The following CTBP2 variants were observed in gnomAD, a reference collection of about 807,000 sequenced individuals.
CTBP2 encodes C-terminal binding protein 2, also known as C-terminal-binding protein 2.
CTBP2 carries 30 observed loss-of-function variants against 80.3 expected under a neutral mutation model. The observed-to-expected ratio is 0.37, with a 90% CI of 0.28 to 0.51. The LOEUF (loss-of-function observed/expected upper bound fraction) is 0.51, where lower values mean the gene tolerates loss of function less well. Ranked by LOEUF, CTBP2 falls within the 20% of genes least tolerant of loss-of-function variation. The pLI is 0.93. For missense variants in CTBP2, 1,212 were observed against 1,375.3 expected, an observed-to-expected ratio of 0.88 and a Z score of 1.88; for synonymous variants, 594 against 587.4, an observed-to-expected ratio of 1.01 and a Z score of -0.16.
intron 4 of CTBP2, 180 bp downstream of exon 6, chr10:124,997,784 G>C (rs1388152423): frequency 8.0e-6 from 5 of 621,204 alleles, no homozygotes; most frequent in Middle Eastern, 4.3e-4. Flanking sequence ...CCTGCCTCTA[G>C]GGTGAGTTGC....
chr10:125,062,116 C>T (rs1207897064), intron 2 of CTBP2, among the ~76,000 whole-genome samples: 1 of 152,046 alleles, frequency 6.6e-6, no homozygotes, highest in East Asian at 1.9e-4. Flanking sequence ...ACTGCTCCCA[C>T]CAGGGCTGGA....
Position 124,986,418 on chromosome 10 carries a change from C to T in CTBP2, c.*3100G>A, listed in dbSNP as rs1304251213. ...TAGTTGATAATGAAATGTGTACAAC[C>T]TCAAATTTGCTGCCAGAATACTAAA... On this transcript the variant is annotated 3_prime_UTR_variant, in exon 9 of 9. Transcript: ENST00000309035. 2.6e-5 allele frequency: 4 copies of T among 152,326 alleles called. No individual in the cohort carries two copies. The highest frequency in any genetic ancestry group is 9.7e-5 in the African/African-American group (4 of 41,402). The allele number at this position is 152,326 out of a possible 1,614,324, so 9.4% of individuals were successfully genotyped here.
At chr10:125,006,792 G>C (rs148312682) in intron 1 of CTBP2, among the ~76,000 whole-genome samples, 2 of 152,334 alleles carry the variant, frequency 1.3e-5, no homozygotes, top group African/African-American at 4.8e-5. Flanking sequence ...AGGCCCAGTG[G>C]GGCAGGATTG....
chr10:125,073,535 A>G (rs1845836854), intron 2 of CTBP2, among the ~76,000 whole-genome samples: 1 of 152,228 alleles, frequency 6.6e-6, no homozygotes, highest in African/African-American at 2.4e-5. Context: ...GCCATCATGC[A>G]TGGCTGGTTT....
chr10:125,076,967 T>C (rs150237610), intron 2 of CTBP2, among the ~76,000 whole-genome samples: 4 of 152,250 alleles, frequency 2.6e-5, no homozygotes, highest in Non-Finnish European at 5.9e-5. Context: ...TAACAAGAAA[T>C]AACCCTGCAG....
Position 124,984,800 on chromosome 10 carries a change from A to T in CTBP2, c.*4718T>A. 1 of 1,613,556 alleles carries T rather than the reference A, an allele frequency of 6.2e-7. No individual in the cohort carries two copies. The highest frequency in any genetic ancestry group is 8.5e-7 in the Non-Finnish European group (1 of 1,179,812). On this transcript the variant is annotated 3_prime_UTR_variant, in exon 9 of 9. Transcript: ENST00000309035. ...TAGGTAATGAGGAACAGCAAGAAAA[A>T]CTGCTCAGGGAGTGGCTGGACTGCT...
At chr10:125,019,139 G>A (rs1354919804) in intron 1 of CTBP2, among the ~76,000 whole-genome samples, 1 of 152,090 alleles carries the variant, frequency 6.6e-6, no homozygotes, top group Non-Finnish European at 1.5e-5. Flanking sequence ...CCACTGGAGG[G>A]GGCAAGAAAA....
chr10:125,125,371 C>G (rs1036840898), intron 1 of CTBP2, among the ~76,000 whole-genome samples: 1 of 152,040 alleles, frequency 6.6e-6, no homozygotes, highest in Non-Finnish European at 1.5e-5. Context: ...AGATATAAGC[C>G]TTATATTTCA....
rs191303035 is a variant in CTBP2, at chr10:125,054,751, C to T, written c.-101-15596G>A. 2.3e-4 allele frequency among the ~76,000 whole-genome samples: 35 copies of T among 152,272 alleles called. 1 individual carries two copies. The highest frequency in any genetic ancestry group is 4.3e-4 in the Non-Finnish European group (29 of 68,020). ...ACAGTAATACATTTGTAATGCATGG[C>T]GTCTAGTTTATACTACCTACAGGAC... On this transcript the variant is annotated intron_variant, in intron 2 of 10. Transcript: ENST00000337195.
chr10:125,140,385 C>T (rs894674639), intron 1 of CTBP2, among the ~76,000 whole-genome samples: 2 of 151,620 alleles, frequency 1.3e-5, no homozygotes, highest in African/African-American at 4.8e-5. Context: ...CTCAGCCTGA[C>T]TGATGTGATG....
chr10:125,047,411 A>G (rs185998944), intron 2 of CTBP2, among the ~76,000 whole-genome samples: 1 of 152,372 alleles, frequency 6.6e-6, no homozygotes, highest in East Asian at 1.9e-4. Flanking sequence ...TTTGTTACAT[A>G]CAGTGTGCAA....
chr10:125,106,786 C>T (rs781704989), intron 2 of CTBP2, among the ~76,000 whole-genome samples: 4 of 152,250 alleles, frequency 2.6e-5, no homozygotes, highest in Non-Finnish European at 5.9e-5. Flanking sequence ...GTCTCTTCCT[C>T]CCTACTTTGC....
intron 2 of CTBP2, among the ~76,000 whole-genome samples, chr10:125,046,286 T>C (rs1961211683): frequency 6.6e-6 from 1 of 152,098 alleles, no homozygotes; most frequent in Non-Finnish European, 1.5e-5. Flanking sequence ...CCTGTAATCC[T>C]AGCACACTGG....
chr10:125,099,332 C>G (rs1400709554), intron 2 of CTBP2, among the ~76,000 whole-genome samples: 1 of 152,242 alleles, frequency 6.6e-6, no homozygotes, highest in Non-Finnish European at 1.5e-5. Context: ...TGTGCAGCGT[C>G]TGGCACGCAT....
chr10:125,116,854 G>C (rs555688470), intron 1 of CTBP2, among the ~76,000 whole-genome samples: 1 of 152,202 alleles, frequency 6.6e-6, no homozygotes, highest in Non-Finnish European at 1.5e-5. Flanking sequence ...GAAAAGCCTC[G>C]GGCAAAATCT....
At chr10:125,148,270 C>T (rs1307781399) in intron 1 of CTBP2, among the ~76,000 whole-genome samples, 2 of 152,066 alleles carry the variant, frequency 1.3e-5, no homozygotes, top group Non-Finnish European at 2.9e-5. Flanking sequence ...AGTGCGCTGC[C>T]GGGGCCCCTA....
intron 2 of CTBP2, among the ~76,000 whole-genome samples, chr10:125,075,113 G>C (rs7895651): frequency 0.017 from 2,577 of 152,226 alleles, 66 homozygotes; most frequent in African/African-American, 0.058. Flanking sequence ...TAAAATCTAA[G>C]ACTAGCCATC....
intron 2 of CTBP2, among the ~76,000 whole-genome samples, chr10:125,079,817 G>A (rs1317719441): frequency 6.6e-6 from 1 of 152,180 alleles, no homozygotes; most frequent in Non-Finnish European, 1.5e-5. Context: ...TTTCTCACAT[G>A]ATGCAGGGAG....
rs558440311 is a variant in CTBP2, at chr10:125,027,065, A to G, written c.695T>C (p.Leu232Pro). ...AGCAGCTGAACTGGGGTCCACAACC[A>G]GGCACGTCGGGGCCACCTGTCTGGC... Residue 232 changes from leucine (L) to proline (P), a missense_variant, in exon 1 of 9, where the codon CTG becomes CCG. Physicochemically the swap from Leu to Pro is moderately conservative, Grantham distance 98 (BLOSUM62 -3). Coordinates refer to ENST00000309035, the MANE Select transcript of CTBP2 (RefSeq NM_022802.3). 1.4e-5 allele frequency: 22 copies of G among 1,612,626 alleles called. 1 individual carries two copies. In the South Asian group the frequency reaches 2.3e-4, roughly 17 times the overall value.
Sources: gnomAD v4.1 joint callset for allele counts (sites outside exome capture counted in the v4.1 genomes callset) on GRCh38, gnomAD v4.1.1 for gene constraint, MANE v1.5 for transcripts, NCBI Gene and HGNC (gene_info 2026-07-23, HGNC 2026-07-21) for gene names.